The following SLC5A9 variants were observed in gnomAD, a reference collection of about 807,000 sequenced individuals.
SLC5A9 encodes sodium/glucose cotransporter 4.
A neutral mutation model predicts 70.9 loss-of-function variants in SLC5A9; 59 were observed. The ratio of observed to expected loss-of-function variants is 0.83; its 90% CI spans 0.68 to 1.03. The LOEUF is 1.03. Ranked by LOEUF, SLC5A9 falls within the 50% of genes least tolerant of loss-of-function variation. The pLI is 0.00. For missense variants in SLC5A9, 832 were observed against 881.1 expected, an observed-to-expected ratio of 0.94 and a Z score of 0.71; for synonymous variants, 340 against 346.5, an observed-to-expected ratio of 0.98 and a Z score of 0.21.
chr1:48,235,828 G>C lies in SLC5A9; in HGVS notation c.1241G>C (p.Trp414Ser). The change falls in exon 10 of 14, where the codon TGG (tryptophan) becomes TCG (serine). Residue 414 changes from tryptophan to serine, a missense_variant. By Grantham distance (177) the Trp-to-Ser change is radical. Coordinates refer to ENST00000438567, the MANE Select transcript of SLC5A9 (RefSeq NM_001011547.3). ...SSSTLFTIDV[W>S]QRFRRKSTEQ... ...AGCACCCTGTTCACCATTGATGTGT[G>C]GCAGCGCTTCCGCAGGAAGTCAACA... 1.9e-6 allele frequency: 3 copies of C among 1,614,232 alleles called. No individual in the cohort carries two copies. The highest frequency in any genetic ancestry group is 2.5e-6 in the Non-Finnish European group (3 of 1,180,046).
In SLC5A9 at chr1:48,229,299, C is replaced by T; in HGVS notation, c.344C>T (p.Thr115Ile). 1.2e-6 allele frequency: 2 copies of T among 1,614,182 alleles called. No individual in the cohort carries two copies. The highest frequency in any genetic ancestry group is 1.7e-6 in the Non-Finnish European group (2 of 1,180,032). The change falls in exon 4 of 14, where the codon ACC (threonine) becomes ATC (isoleucine). Residue 115 changes from threonine (T) to isoleucine (I), a missense_variant. By Grantham distance (89) the Thr-to-Ile change is moderately conservative. Coordinates refer to ENST00000438567, the MANE Select transcript of SLC5A9 (RefSeq NM_001011547.3). ...LAVGGFEWNA[T>I]WLLLALGWVF... ...TTCTTCTCCCCACTCTCCCAGGCAA[C>T]CTGGCTGCTCCTGGCCCTTGGCTGG...
At position 48,232,402 on chromosome 1, in the gene SLC5A9, GT is replaced by G. The variant is rs759299198; in HGVS notation, c.934del (p.Ser312LeufsTer13). On this transcript the variant is annotated frameshift_variant, in exon 8 of 14. Coordinates refer to ENST00000438567, the MANE Select transcript of SLC5A9 (RefSeq NM_001011547.3). LOFTEE classifies it high-confidence loss of function. ...AGCGGTCTCTCTCGGCCAAGAGTCT[GT>G]CTCATGCCAAGGGAGGCTCCGTGCT... ...VQRSLSAKSL[S>X]HAKGGSVLGG... 1.2e-6 allele frequency: 2 copies of G among 1,614,062 alleles called. No homozygotes were observed. Among genetic ancestry groups the G allele is most frequent in the Non-Finnish European group, 1.7e-6 (2 of 1,180,046 alleles).
intron 2 of SLC5A9, among the ~76,000 whole-genome samples, chr1:48,227,641 T>C (rs945076566): frequency 1.3e-5 from 2 of 152,014 alleles, no homozygotes; most frequent in Non-Finnish European, 2.9e-5. Context: ...GTGTGTGTAC[T>C]GTGCCTGTGT....
Position 48,239,038 on chromosome 1 carries a change from A to C in SLC5A9, c.1462-284A>C, listed in dbSNP as rs886432552. On this transcript the variant is annotated intron_variant, in intron 11 of 13. Coordinates refer to ENST00000438567, the MANE Select transcript of SLC5A9 (RefSeq NM_001011547.3). The surrounding 1 kb of genome is among the most constrained non-coding windows in gnomAD (Gnocchi z 4.2). ...GAATTTTTAAATTACTGCCCCCAAT[A>C]AGAAAACTCTGAGTCAGCACGGCCG... 1.3e-5 allele frequency among the ~76,000 whole-genome samples: 2 copies of C among 152,186 alleles called. No individual in the cohort carries two copies. Among genetic ancestry groups the C allele is most frequent in the Non-Finnish European group, 2.9e-5 (2 of 68,032 alleles).
intron 5 of SLC5A9, 83 bp from the exon 6 acceptor site, chr1:48,231,462 C>T: frequency 1.9e-6 from 3 of 1,543,760 alleles, no homozygotes; most frequent in Non-Finnish European, 2.7e-6. Flanking sequence ...TCTGGTCTCC[C>T]CAGTGTGGCC....
Position 48,222,891 on chromosome 1 carries a change from G to C in SLC5A9, c.155G>C (p.Gly52Ala). 6.2e-7 allele frequency: 1 copy of C among 1,613,976 alleles called. No individual in the cohort carries two copies. Residue 52 changes from glycine to alanine, a missense_variant, in exon 1 of 14, where the codon GGG becomes GCG. Gly to Ala is a moderately conservative substitution (Grantham distance 60). Transcript: ENST00000438567. ...TACTTTGTCTTCGTCATTGCTGTGGGGATCTGGGTAAGTGGGCCCTGAGGC... is the reference window on the plus strand; with the variant it reads ...TACTTTGTCTTCGTCATTGCTGTGGCGATCTGGGTAAGTGGGCCCTGAGGC... ...VIYFVFVIAV[G>A]IWSSIRASRG...
At chr1:48,225,507 G>A (rs547568551) in intron 2 of SLC5A9, among the ~76,000 whole-genome samples, 1 of 152,258 alleles carries the variant, frequency 6.6e-6, no homozygotes, top group African/African-American at 2.4e-5. Context: ...GGAATGGGAT[G>A]GAGGGAGGAA....
In SLC5A9 at chr1:48,235,800, A is replaced by G. The variant is rs1430681682; in HGVS notation, c.1213A>G (p.Ser405Gly). 5 of 1,614,206 alleles carry G rather than the reference A, an allele frequency of 3.1e-6. No homozygotes were observed. The highest frequency in any genetic ancestry group is 4.2e-6 in the Non-Finnish European group (5 of 1,180,038). ...CTCACTCACCTCCATCTTCAACAGCAGCAGCACCCTGTTCACCATTGATGT... is the reference window on the plus strand; with the variant it reads ...CTCACTCACCTCCATCTTCAACAGCGGCAGCACCCTGTTCACCATTGATGT... ...MSSLTSIFNS[S>G]STLFTIDVWQ... is the part of the protein sequence containing the mutation. The change falls in exon 10 of 14, where the codon AGC becomes GGC. Residue 405 changes from serine (S) to glycine (G), a missense_variant. Transcript: ENST00000438567.
rs150478952 is a variant in SLC5A9 at position 48,246,817 on chromosome 1, G to C, written c.1838-518G>C. Among the ~76,000 whole-genome samples, 765 of 152,310 alleles carry C rather than the reference G, an allele frequency of 5.0e-3. 8 individuals carry two copies. The highest frequency in any genetic ancestry group is 0.017 in the African/African-American group (723 of 41,574). On this transcript the variant is annotated intron_variant, in intron 13 of 13. Transcript: ENST00000438567. ...ACATTTGAGACAGAAAGAACCTCCA[G>C]CTCAGAGAAGCTGAGTGATTTGCAT...
At chr1:48,235,642 T>C (rs1442748931) in intron 9 of SLC5A9, 87 bp from the exon 10 acceptor site, 11 of 1,518,050 alleles carry the variant, frequency 7.2e-6, no homozygotes, top group Non-Finnish European at 9.9e-6. Context: ...AGCTCCTGAC[T>C]CTACAGAATG....
chr1:48,232,579 T>C (rs1644265453), intron 8 of SLC5A9, 77 bp downstream of exon 8: 3 of 1,576,510 alleles, frequency 1.9e-6, no homozygotes, highest in Non-Finnish European at 2.6e-6. Flanking sequence ...AATGTGGCCC[T>C]GGACAATGTT....
intron 11 of SLC5A9, among the ~76,000 whole-genome samples, chr1:48,238,967 G>C (rs1212612191): frequency 6.6e-6 from 1 of 152,158 alleles, no homozygotes; most frequent in Middle Eastern, 3.2e-3. Flanking sequence ...CATTTTAGTT[G>C]AATATTAACC....
chr1:48,232,240 G>A, intron 7 of SLC5A9, 89 bp downstream of exon 7: 1 of 1,554,848 alleles, frequency 6.4e-7, no homozygotes, highest in Admixed American at 1.8e-5. Flanking sequence ...ATAGAGGGTT[G>A]GACCTCATTC....
At chr1:48,226,891 TG>T (rs1644155141) in intron 2 of SLC5A9, among the ~76,000 whole-genome samples, 1 of 152,138 alleles carries the variant, frequency 6.6e-6, no homozygotes, top group South Asian at 2.1e-4. Context: ...TCTGACTGGG[TG>T]GTTCAGCCCA....
chr1:48,229,100 C>A (rs1644207802), intron 3 of SLC5A9, 146 bp downstream of exon 3: 7 of 1,614,102 alleles, frequency 4.3e-6, no homozygotes, highest in Non-Finnish European at 5.9e-6. Context: ...ATCCATTTCA[C>A]AGATGAGGAA....
chr1:48,233,739 T>C lies in SLC5A9; in HGVS notation c.1118T>C (p.Leu373Ser). The C allele has an allele frequency of 6.2e-7, 1 of 1,613,960 alleles. No homozygotes were observed. Among genetic ancestry groups the C allele is most frequent in the Non-Finnish European group, 8.5e-7 (1 of 1,179,926 alleles). ...VGCSNIAYPKLVMALMPVGLR... is the reference protein window; with the variant it reads ...VGCSNIAYPKSVMALMPVGLR... The stretch of plus-strand genomic sequence containing the variant: ...TGTTCCAACATTGCCTACCCTAAGT[T>C]GGTCATGGCCCTCATGCCTGTTGGT... The change falls in exon 9 of 14, where the codon TTG (leucine) becomes TCG (serine). Residue 373 changes from leucine to serine, a missense_variant. Coordinates refer to ENST00000438567, the MANE Select transcript of SLC5A9 (RefSeq NM_001011547.3).
chr1:48,227,288 TGTGAGA>T (rs1372289702), intron 2 of SLC5A9, among the ~76,000 whole-genome samples: 5 of 114,484 alleles, frequency 4.4e-5, no homozygotes, highest in South Asian at 3.0e-4. Flanking sequence ...TGTGTGTATG[TGTGAGA>T]GTGTGTGTGT....
intron 12 of SLC5A9, among the ~76,000 whole-genome samples, chr1:48,241,570 C>T (rs1430867367): frequency 1.3e-5 from 2 of 151,962 alleles, no homozygotes; most frequent in African/African-American, 2.4e-5. Flanking sequence ...ACTGAGCCAC[C>T]AAAAAGGAGA....
intron 2 of SLC5A9, chr1:48,228,263 C>CAA (rs1644193314): frequency 6.5e-6 from 1 of 153,220 alleles, no homozygotes; most frequent in Non-Finnish European, 1.5e-5. Context: ...AATGAGTCCC[C>CAA]AAACTCAGAA....
Sources: allele counts gnomAD v4.1 joint callset (sites outside exome capture counted in the v4.1 genomes callset), GRCh38; gene constraint gnomAD v4.1.1; non-coding constraint Gnocchi (gnomAD v3.1); transcripts MANE v1.5; gene names NCBI Gene and HGNC (gene_info 2026-07-23, HGNC 2026-07-21).